Variants in G2E3 observed in about 807,000 individuals in gnomAD.
The protein encoded by G2E3 is G2/M-phase specific E3 ubiquitin protein ligase.
In G2E3, 35 loss-of-function variants were observed where a neutral mutation model predicts 92.8. The observed-to-expected ratio is 0.38, with a 90% CI of 0.29 to 0.50. The LOEUF (loss-of-function observed/expected upper bound fraction) is 0.50. Ranked by LOEUF, G2E3 falls within the 20% of genes least tolerant of loss-of-function variation. G2E3 has a pLI of 0.94. For missense variants in G2E3, 554 were observed against 823.8 expected (o/e 0.67, Z 4.01); for synonymous variants, 242 against 272.4 (o/e 0.89, Z 1.10).
At chr14:30,585,359 ATG>A (rs1003128456) in intron 2 of G2E3, among the ~76,000 whole-genome samples, 1 of 152,126 alleles carries the variant, frequency 6.6e-6, no homozygotes, top group African/African-American at 2.4e-5. Flanking sequence ...GGGTTCACCT[ATG>A]TTCTTTTGCA....
chr14:30,590,486 C>G (rs1291806992), intron 4 of G2E3: 2 of 343,690 alleles, frequency 5.8e-6, no homozygotes, highest in Non-Finnish European at 1.1e-5. Flanking sequence ...ATAATGTTCT[C>G]TTTGTCCCCT....
At position 30,592,175 on chromosome 14, in the gene G2E3, G is replaced by A. The variant is rs1336387013; in HGVS notation, c.238-148G>A. 3 of 659,656 alleles carry A rather than the reference G, an allele frequency of 4.5e-6. No homozygotes were observed. In the South Asian group the frequency reaches 6.2e-5, roughly 14 times the overall value. 40.9% of individuals were successfully genotyped at this position (659,656 alleles called of 1,614,324 possible). A position where few individuals can be genotyped will look rare whatever the true frequency, so the allele number is the denominator to read the frequency against. On this transcript the variant is annotated intron_variant, in intron 4 of 14. Transcript: ENST00000206595. ...TGTTTCTGGGTAGAACAGTTTTTCA[G>A]GAAATTTATTTAATATACCCTTACC...
At chr14:30,605,430 A>T (rs968783399) in intron 10 of G2E3, 75 bp from the exon 11 acceptor site, 3 of 533,180 alleles carry the variant, frequency 5.6e-6, no homozygotes, top group African/African-American at 1.9e-5. Flanking sequence ...GTCTTGTTTT[A>T]TTGGCTATAT....
intron 2 of G2E3, among the ~76,000 whole-genome samples, chr14:30,582,691 G>A (rs759301102): frequency 1.3e-5 from 2 of 152,200 alleles, no homozygotes; most frequent in Non-Finnish European, 2.9e-5. Flanking sequence ...TGTCCAATAT[G>A]AACAAATGGC....
At chr14:30,599,980 C>T (rs1003741227) in intron 8 of G2E3, among the ~76,000 whole-genome samples, 1 of 152,118 alleles carries the variant, frequency 6.6e-6, no homozygotes, top group South Asian at 2.1e-4. Context: ...TTTTCTACAA[C>T]AGTCATTTTG....
intron 1 of G2E3, among the ~76,000 whole-genome samples, chr14:30,574,884 A>T (rs1313597285): frequency 2.6e-5 from 4 of 152,136 alleles, no homozygotes. Context: ...TGCAGTGAAC[A>T]TTTGTGTGCA....
Position 30,602,043 on chromosome 14 carries a change from A to G in G2E3, c.922A>G (p.Asn308Asp), listed in dbSNP as rs779438949. The G allele has an allele frequency of 3.1e-6, 5 of 1,610,442 alleles. No individual in the cohort carries two copies. The East Asian group carries it at 1.1e-4, about 36-fold the overall frequency. The change falls in exon 10 of 15, where the codon AAT becomes GAT. Residue 308 changes from asparagine to aspartate, a missense_variant. This residue lies in a region of G2E3 where 397 missense variants were observed against 560.3 expected (regional missense o/e 0.71). Transcript: ENST00000206595. ...AAAACATGTATTACCCAATTCTAAT[A>G]ATGTGGGGATTACAGATTGTTTGTT... Reference protein sequence around the residue: ...AKKHVLPNSNNVGITDCLLEE... With the variant: ...AKKHVLPNSNDVGITDCLLEE...
intron 4 of G2E3, chr14:30,590,800 G>A (rs757031778): frequency 2.2e-6 from 1 of 453,852 alleles, no homozygotes; most frequent in Non-Finnish European, 4.4e-6. Context: ...ACTTCCTGGT[G>A]ATAGTGAGCT....
At chr14:30,596,834 A>C (rs1327789058) in intron 6 of G2E3, among the ~76,000 whole-genome samples, 1 of 152,216 alleles carries the variant, frequency 6.6e-6, no homozygotes, top group Non-Finnish European at 1.5e-5. Flanking sequence ...GGAGTTAACT[A>C]TCTGTTAAAT....
chr14:30,612,927 T>A (rs1432826305), intron 13 of G2E3, among the ~76,000 whole-genome samples: 1 of 152,188 alleles, frequency 6.6e-6, no homozygotes, highest in Non-Finnish European at 1.5e-5. Flanking sequence ...CAGATTATAA[T>A]TTTTTTCTAA....
chr14:30,612,726 G>A (rs1430332868), intron 13 of G2E3, among the ~76,000 whole-genome samples: 1 of 152,036 alleles, frequency 6.6e-6, no homozygotes, highest in Non-Finnish European at 1.5e-5. Flanking sequence ...GCGTGGTGGT[G>A]GGTTCCTGTA....
intron 13 of G2E3, among the ~76,000 whole-genome samples, chr14:30,612,748 T>G (rs1436504852): frequency 6.6e-6 from 1 of 152,046 alleles, no homozygotes; most frequent in Admixed American, 6.6e-5. Flanking sequence ...TCTCAGCTAC[T>G]TGGGAGGCTG....
chr14:30,568,392 T>C (rs1299379407), intron 1 of G2E3, among the ~76,000 whole-genome samples: 1 of 152,166 alleles, frequency 6.6e-6, no homozygotes, highest in Non-Finnish European at 1.5e-5. Flanking sequence ...TTGGAGCGTG[T>C]AATTCATTTA....
In G2E3 at chr14:30,617,655, T is replaced by A. The variant is rs1882375852; in HGVS notation, c.*1121T>A. 6.6e-6 allele frequency: 1 copy of A among 152,152 alleles called. No individual in the cohort carries two copies. Among genetic ancestry groups the A allele is most frequent in the African/African-American group, 2.4e-5 (1 of 41,460 alleles). The allele number at this position is 152,152 out of a possible 1,614,324, so 9.4% of individuals were successfully genotyped here. A position where few individuals can be genotyped will look rare whatever the true frequency, so the allele number is the denominator to read the frequency against. ...AAAGGATAGAATGAAAAACCCATTC[T>A]AATGTCACCACTCAGAGATAAGTAC... On this transcript the variant is annotated 3_prime_UTR_variant, in exon 15 of 15. Coordinates refer to ENST00000206595, the MANE Select transcript of G2E3 (RefSeq NM_017769.5).
At chr14:30,607,618 G>A (rs1881892081) in intron 11 of G2E3, among the ~76,000 whole-genome samples, 1 of 152,116 alleles carries the variant, frequency 6.6e-6, no homozygotes, top group Non-Finnish European at 1.5e-5. Flanking sequence ...CTTATATGGT[G>A]CATGACTGTA....
chr14:30,599,529 A>T (rs1881461237), intron 8 of G2E3, among the ~76,000 whole-genome samples: 2 of 152,044 alleles, frequency 1.3e-5, no homozygotes, highest in Non-Finnish European at 2.9e-5. Context: ...GCTCGGCCAT[A>T]ATTACCTCTT....
intron 2 of G2E3, among the ~76,000 whole-genome samples, chr14:30,582,908 C>A (rs1880512211): frequency 6.6e-6 from 1 of 152,172 alleles, no homozygotes; most frequent in South Asian, 2.1e-4. Context: ...ATTTGGTGAG[C>A]AGCCTATTAA....
rs761990430 is a variant in G2E3 at position 30,605,484 on chromosome 14, AT to A, written c.1011-18del. The stretch of plus-strand genomic sequence containing the variant: ...AGTACTTTAAAGTACTTATCTCTAT[AT>A]TTAAATTCATGTTTTATAGGCAAGG... On this transcript the variant is annotated intron_variant, in intron 10 of 14. Coordinates refer to ENST00000206595, the MANE Select transcript of G2E3 (RefSeq NM_017769.5). 1.9e-5 allele frequency: 19 copies of A among 997,106 alleles called. No homozygotes were observed. The Admixed American group carries it at 4.7e-4, about 25-fold the overall frequency. 61.8% of individuals were successfully genotyped at this position (997,106 alleles called of 1,614,324 possible).
intron 1 of G2E3, among the ~76,000 whole-genome samples, chr14:30,569,023 T>C (rs1332727069): frequency 2.6e-5 from 4 of 152,180 alleles, no homozygotes; most frequent in Non-Finnish European, 5.9e-5. Flanking sequence ...CAGCCATTCT[T>C]GTCTGTCTCC....
Sources: gnomAD v4.1 joint callset for allele counts (sites outside exome capture counted in the v4.1 genomes callset) on GRCh38, gnomAD v4.1.1 for gene constraint, gnomAD v4.1.1 regional missense constraint, MANE v1.5 for transcripts, NCBI Gene and HGNC (gene_info 2026-07-23, HGNC 2026-07-21) for gene names.